The following YLPM1 variants were observed in gnomAD, a reference collection of about 807,000 sequenced individuals.
The protein encoded by YLPM1 is YLP motif containing 1.
A neutral mutation model predicts 230.0 loss-of-function variants in YLPM1; 99 were observed. The ratio of observed to expected loss-of-function variants is 0.43; its 90% CI spans 0.37 to 0.51. The LOEUF (loss-of-function observed/expected upper bound fraction) is 0.51, where lower values mean the gene tolerates loss of function less well. YLPM1 is among the 20% of genes least tolerant of loss of function. The probability of loss-of-function intolerance (pLI) is 0.00; values close to 1 mark genes in which losing one functional copy is unlikely to be tolerated. For synonymous variants in YLPM1, 984 were observed against 942.5 expected, an observed-to-expected ratio of 1.04 and a Z score of -0.81; for missense variants, 2,592 against 2,707.7, an observed-to-expected ratio of 0.96 and a Z score of 0.95.
Position 74,812,654 on chromosome 14 carries a change from C to G in YLPM1, c.5374C>G (p.Arg1792Gly). The G allele has an allele frequency of 6.2e-7, 1 of 1,613,396 alleles. No homozygotes were observed. The highest frequency in any genetic ancestry group is 8.5e-7 in the Non-Finnish European group (1 of 1,179,638). ...GGERRTYPEE[R>G]MPLPAPSLSH... ...AGAACGAAGGACTTATCCTGAGGAG[C>G]GAATGCCTCTGCCAGCTCCTTCACT... Residue 1792 changes from arginine to glycine, a missense_variant, in exon 11 of 21, where the codon CGA becomes GGA. Transcript: ENST00000325680.
At chr14:74,802,824 T>G in intron 6 of YLPM1, 148 bp downstream of exon 6, 1 of 976,534 alleles carries the variant, frequency 1.0e-6, no homozygotes, top group Non-Finnish European at 1.4e-6. Context: ...GTAATTGAAC[T>G]TTGAACACCT....
Position 74,797,612 on chromosome 14 carries a change from G to C in YLPM1, c.2315G>C (p.Gly772Ala). The C allele has an allele frequency of 6.6e-7, 1 of 1,515,426 alleles. No homozygotes were observed. Among genetic ancestry groups the C allele is most frequent in the Non-Finnish European group, 8.8e-7 (1 of 1,132,670 alleles). 93.9% of individuals were successfully genotyped at this position (1,515,426 alleles called of 1,614,324 possible). A position where few individuals can be genotyped will look rare whatever the true frequency, so the allele number is the denominator to read the frequency against. ...FDGPRRFEDL[G>A]SRCEGPRPKG... Reference sequence around the variant, plus strand: ...GGTCCTCGAAGATTTGAGGATTTAGGGTCAAGGTGTGAAGGACCGAGACCC... The same window carrying C: ...GGTCCTCGAAGATTTGAGGATTTAGCGTCAAGGTGTGAAGGACCGAGACCC... Residue 772 changes from glycine to alanine, a missense_variant, in exon 5 of 21, where the codon GGG becomes GCG. Around this residue, in one of 4 missense-constraint regions of YLPM1, gnomAD observed 1,862 missense variants for 1,819.8 expected, o/e 1.02. Transcript: ENST00000325680.
chr14:74,811,580 A>C (rs376156527), intron 9 of YLPM1, 40 bp from the exon 10 acceptor site: 6 of 1,506,394 alleles, frequency 4.0e-6, no homozygotes, highest in Non-Finnish European at 5.5e-6. Flanking sequence ...AACCCCAAAT[A>C]TTTTTTATTT....
chr14:74,764,409 G>A (rs1172963135), intron 1 of YLPM1, 47 bp downstream of exon 1: 1 of 1,525,432 alleles, frequency 6.6e-7, no homozygotes, highest in Non-Finnish European at 8.8e-7. Flanking sequence ...AGAGGGCCCT[G>A]AATGAGCAGG....
At chr14:74,788,236 T>G (rs1352529024) in intron 4 of YLPM1, among the ~76,000 whole-genome samples, 1 of 152,074 alleles carries the variant, frequency 6.6e-6, no homozygotes, top group African/African-American at 2.4e-5. Context: ...TTCTCCTGCT[T>G]CAGCCTCCCA....
Position 74,797,995 on chromosome 14 carries a change from G to T in YLPM1, c.2698G>T (p.Glu900Ter). Residue 900 changes from glutamate to a stop codon, truncating the protein, a stop_gained, in exon 5 of 21, where the codon GAG (glutamate) becomes TAG (stop). Coordinates refer to ENST00000325680, the MANE Select transcript of YLPM1 (RefSeq NM_019589.3). LOFTEE classifies it high-confidence loss of function. ...VKDVKAAQSN[E>*]NLSDSQQEPP... is the part of the protein sequence containing the mutation. ...GGATGTCAAGGCGGCTCAGTCAAATGAGAATCTAAGCGACTCTCAACAAGA... is the reference window on the plus strand; with the variant it reads ...GGATGTCAAGGCGGCTCAGTCAAATTAGAATCTAAGCGACTCTCAACAAGA... 2 of 1,611,524 alleles carry T rather than the reference G, an allele frequency of 1.2e-6. No homozygotes were observed. The highest frequency in any genetic ancestry group is 2.2e-5 in the East Asian group (1 of 44,756).
At position 74,799,372 on chromosome 14, in the gene YLPM1, C is replaced by T. The variant is rs1355478777; in HGVS notation, c.4075C>T (p.His1359Tyr). Residue 1359 changes from histidine to tyrosine, a missense_variant, in exon 5 of 21, where the codon CAT becomes TAT. This residue lies in a region of YLPM1 where 1,862 missense variants were observed against 1,819.8 expected (regional missense o/e 1.02). Coordinates refer to ENST00000325680, the MANE Select transcript of YLPM1 (RefSeq NM_019589.3). The part of the protein sequence containing the change: ...DRWREERNRE[H>Y]GYDRDFRDRG... Reference sequence around the variant, plus strand: ...ATGGAGAGAAGAAAGAAATCGAGAGCATGGGTATGATCGAGATTTCCGTGA... The same window carrying T: ...ATGGAGAGAAGAAAGAAATCGAGAGTATGGGTATGATCGAGATTTCCGTGA... 2 of 1,613,918 alleles carry T rather than the reference C, an allele frequency of 1.2e-6. No individual in the cohort carries two copies. The highest frequency in any genetic ancestry group is 2.2e-5 in the South Asian group (2 of 91,080).
intron 18 of YLPM1, among the ~76,000 whole-genome samples, chr14:74,824,878 A>G (rs2091550638): frequency 6.6e-6 from 1 of 152,116 alleles, no homozygotes; most frequent in Non-Finnish European, 1.5e-5. Context: ...ATGATTGTCT[A>G]AATCAGAATT....
chr14:74,778,351 A>T, intron 1 of YLPM1, 96 bp from the exon 2 acceptor site: 1 of 1,059,070 alleles, frequency 9.4e-7, no homozygotes, highest in Non-Finnish European at 1.4e-6. Flanking sequence ...ACATATAGAC[A>T]CATGAACACA....
rs1215832939 is a variant in YLPM1, at chr14:74,799,547, C to T, written c.4250C>T (p.Ala1417Val). ...GATGTGGATAGACATTCCCCCATGG[C>T]GGAACATATGCCCTCCTCACATCAT... ...PSDVDRHSPM[A>V]EHMPSSHHSS... Residue 1417 changes from alanine (A) to valine (V), a missense_variant, in exon 5 of 21, where the codon GCG becomes GTG. Physicochemically the swap from Ala to Val is moderately conservative, Grantham distance 64 (BLOSUM62 0). Transcript: ENST00000325680. 7 of 1,613,926 alleles carry T rather than the reference C, an allele frequency of 4.3e-6. No individual in the cohort carries two copies. Among genetic ancestry groups the T allele is most frequent in the Non-Finnish European group, 4.2e-6 (5 of 1,179,878 alleles).
At chr14:74,818,161 T>G in intron 15 of YLPM1, 70 bp from the exon 16 acceptor site, 1 of 856,008 alleles carries the variant, frequency 1.2e-6, no homozygotes, top group Non-Finnish European at 1.7e-6. Flanking sequence ...TAAATGTTGT[T>G]TATCTTGGAT....
At chr14:74,796,441 C>G (rs1440088162) in intron 4 of YLPM1, among the ~76,000 whole-genome samples, 1 of 152,222 alleles carries the variant, frequency 6.6e-6, no homozygotes, top group Non-Finnish European at 1.5e-5. Context: ...AGCTTGATTT[C>G]AGAGAAGTTG....
Position 74,798,818 on chromosome 14 carries a change from G to A in YLPM1, c.3521G>A (p.Gly1174Glu). The A allele has an allele frequency of 6.2e-7, 1 of 1,613,962 alleles. No individual in the cohort carries two copies. Among genetic ancestry groups the A allele is most frequent in the East Asian group, 2.2e-5 (1 of 44,868 alleles). ...AGAGGTCCATTCAGACCAGAACCAGGAGATGGTGGGGAAAAAATGTATCCA... is the reference window on the plus strand; with the variant it reads ...AGAGGTCCATTCAGACCAGAACCAGAAGATGGTGGGGAAAAAATGTATCCA... The part of the protein sequence containing the change: ...RDRGPFRPEP[G>E]DGGEKMYPYH... Residue 1174 changes from glycine to glutamate, a missense_variant, in exon 5 of 21, where the codon GGA (glycine) becomes GAA (glutamate). Transcript: ENST00000325680.
At chr14:74,817,495 T>C (rs970188293) in intron 15 of YLPM1, among the ~76,000 whole-genome samples, 6 of 152,228 alleles carry the variant, frequency 3.9e-5, no homozygotes. Context: ...GTTTGTAACC[T>C]AGATGTGCAG....
At chr14:74,796,098 G>T (rs1301303226) in intron 4 of YLPM1, among the ~76,000 whole-genome samples, 1 of 152,216 alleles carries the variant, frequency 6.6e-6, no homozygotes, top group Non-Finnish European at 1.5e-5. Flanking sequence ...CTTGTCTGGG[G>T]GGCCTTGTGT....
chr14:74,782,172 C>T lies in YLPM1; in HGVS notation c.2129C>T (p.Pro710Leu), dbSNP rs761688316. Reference protein sequence around the residue: ...SKAPLSKSALPYSSFSSDQGL... With the variant: ...SKAPLSKSALLYSSFSSDQGL... ...GCTCCTTTGAGCAAGTCTGCTCTGC[C>T]ATACAGTTCATTCTCATCTGATCAA... is the stretch of plus-strand genomic sequence containing the variant. The change falls in exon 4 of 21, where the codon CCA (proline) becomes CTA (leucine). Residue 710 changes from proline to leucine, a missense_variant. By Grantham distance (98) the Pro-to-Leu change is moderately conservative (BLOSUM62 -3). Coordinates refer to ENST00000325680, the MANE Select transcript of YLPM1 (RefSeq NM_019589.3). 2 of 1,611,410 alleles carry T rather than the reference C, an allele frequency of 1.2e-6. No homozygotes were observed. Among genetic ancestry groups the T allele is most frequent in the African/African-American group, 1.3e-5 (1 of 75,032 alleles).
Position 74,811,677 on chromosome 14 carries a change from T to G in YLPM1, c.5286T>G (p.Asp1762Glu), listed in dbSNP as rs1307467763. The G allele has an allele frequency of 1.2e-6, 2 of 1,612,758 alleles. No homozygotes were observed. The highest frequency in any genetic ancestry group is 2.7e-5 in the African/African-American group (2 of 74,814). The change falls in exon 10 of 21, where the codon GAT (aspartate) becomes GAG (glutamate). Residue 1762 changes from aspartate to glutamate, a missense_variant. Physicochemically the swap from Asp to Glu is conservative, Grantham distance 45. Around this residue, in one of 4 missense-constraint regions of YLPM1, gnomAD observed 403 missense variants for 426.7 expected, o/e 0.94. Transcript: ENST00000325680. ...CCTCATCCAGAAGAGGGGGTTTTGA[T>G]AGGCCATCCTATGACCGGAAGTCTG... ...DHSSSRRGGFDRPSYDRKSDR... is the reference protein window; with the variant it reads ...DHSSSRRGGFERPSYDRKSDR...
chr14:74,805,400 G>A (rs1473714113), intron 6 of YLPM1, among the ~76,000 whole-genome samples: 1 of 151,868 alleles, frequency 6.6e-6, no homozygotes. Context: ...CTGGAATACA[G>A]TGGTACAATC....
chr14:74,828,617 A>G (rs1197466269), intron 18 of YLPM1, among the ~76,000 whole-genome samples: 1 of 152,178 alleles, frequency 6.6e-6, no homozygotes, highest in Admixed American at 6.6e-5. Flanking sequence ...AGAATGGTCA[A>G]CTTCATAGTA....
Sources: allele counts gnomAD v4.1 joint callset (sites outside exome capture counted in the v4.1 genomes callset), GRCh38; gene constraint gnomAD v4.1.1; regional missense constraint gnomAD v4.1.1; transcripts MANE v1.5; gene names NCBI Gene and HGNC (gene_info 2026-07-23, HGNC 2026-07-21).